Variants in SP100 observed in about 807,000 individuals in gnomAD.
SP100 encodes the protein nuclear autoantigen Sp-100.
SP100 carries 84 observed loss-of-function variants against 130.0 expected under a neutral mutation model. The observed-to-expected ratio is 0.65, with a 90% CI of 0.54 to 0.77. The LOEUF (loss-of-function observed/expected upper bound fraction) is 0.77. Ranked by LOEUF, SP100 falls within the 30% of genes least tolerant of loss-of-function variation. SP100 has a pLI of 0.00. For synonymous variants in SP100, 331 were observed against 351.7 expected (o/e 0.94, Z 0.66); for missense variants, 978 against 1,052.2 (o/e 0.93, Z 0.97).
Position 230,541,331 on chromosome 2 carries a change from T to A in SP100, c.2362T>A (p.Cys788Ser), listed in dbSNP as rs1402685102. 1 of 1,614,108 alleles carries A rather than the reference T, an allele frequency of 6.2e-7. No homozygotes were observed. Among genetic ancestry groups the A allele is most frequent in the South Asian group, 1.1e-5 (1 of 91,084 alleles). ...KCEFLLLKVY[C>S]DSKSCFFASE... The stretch of plus-strand genomic sequence containing the variant: ...TGAATTCCTCCTCTTGAAGGTCTAC[T>A]GTGATTCGAAAAGCTGCTTTTTCGC... Residue 788 changes from cysteine (C) to serine (S), a missense_variant, in exon 27 of 29, where the codon TGT (cysteine) becomes AGT (serine). Coordinates refer to ENST00000340126, the MANE Select transcript of SP100 (RefSeq NM_001080391.2).
chr2:230,521,777 T>G (rs1691182355), intron 24 of SP100, among the ~76,000 whole-genome samples: 1 of 152,162 alleles, frequency 6.6e-6, no homozygotes, highest in Non-Finnish European at 1.5e-5. Context: ...CAGTTTTGAC[T>G]GGAGGTGAGT....
intron 4 of SP100, among the ~76,000 whole-genome samples, chr2:230,445,614 T>A (rs976184137): frequency 7.2e-5 from 11 of 152,286 alleles, no homozygotes; most frequent in African/African-American, 2.4e-4. Context: ...AATAATAAAA[T>A]AATTTCTATA....
chr2:230,462,371 T>C (rs2064702374), intron 9 of SP100, 64 bp from the exon 10 acceptor site: 15 of 1,290,584 alleles, frequency 1.2e-5, no homozygotes, highest in Non-Finnish European at 1.7e-5. Context: ...TTGTGGAATT[T>C]CCTGGTGCAT....
intron 2 of SP100, among the ~76,000 whole-genome samples, chr2:230,441,098 T>C (rs2063450324): frequency 6.6e-6 from 1 of 152,140 alleles, no homozygotes; most frequent in Non-Finnish European, 1.5e-5. Flanking sequence ...CTATCCATAA[T>C]ATATTTAAAA....
At chr2:230,460,141 T>G (rs1405478011) in intron 8 of SP100, among the ~76,000 whole-genome samples, 1 of 152,168 alleles carries the variant, frequency 6.6e-6, no homozygotes, top group African/African-American at 2.4e-5. Context: ...ACAATTATAT[T>G]CCTCAGCAGA....
At chr2:230,520,433 A>G (rs373219365) in intron 24 of SP100, among the ~76,000 whole-genome samples, 1 of 152,212 alleles carries the variant, frequency 6.6e-6, no homozygotes, top group Non-Finnish European at 1.5e-5. Flanking sequence ...CTAGGATTCA[A>G]CAAAAACTCC....
chr2:230,542,970 A>G lies in SP100; in HGVS notation c.*24A>G, dbSNP rs777067674. 3 of 1,310,408 alleles carry G rather than the reference A, an allele frequency of 2.3e-6. No homozygotes were observed. The highest frequency in any genetic ancestry group is 3.3e-6 in the Non-Finnish European group (3 of 907,170). The allele number at this position is 1,310,408 out of a possible 1,614,324, so 81.2% of individuals were successfully genotyped here. A position where few individuals can be genotyped will look rare whatever the true frequency, so the allele number is the denominator to read the frequency against. On this transcript the variant is annotated 3_prime_UTR_variant, in exon 29 of 29. Transcript: ENST00000340126. ...AGCCATTCTTATCTCCTCCCTTCAG[A>G]TCCTCTGGCAGCTAGCTACGCAATG...
chr2:230,543,015 C>G lies in SP100; in HGVS notation c.*69C>G. The G allele has an allele frequency of 1.2e-6, 1 of 806,488 alleles. No individual in the cohort carries two copies. Among genetic ancestry groups the G allele is most frequent in the Non-Finnish European group, 2.1e-6 (1 of 477,082 alleles). The allele number at this position is 806,488 out of a possible 1,614,324, so 50.0% of individuals were successfully genotyped here. A position where few individuals can be genotyped will look rare whatever the true frequency, so the allele number is the denominator to read the frequency against. On this transcript the variant is annotated 3_prime_UTR_variant, in exon 29 of 29. Coordinates refer to ENST00000340126, the MANE Select transcript of SP100 (RefSeq NM_001080391.2). ...GCAATGTGCCTGTGGTCCCACTAAT[C>G]TGTGACTGCTCCTGTGGAAACTCCA...
intron 25 of SP100, among the ~76,000 whole-genome samples, chr2:230,539,663 T>C (rs1258472050): frequency 6.6e-6 from 1 of 152,140 alleles, no homozygotes; most frequent in African/African-American, 2.4e-5. Context: ...AGACCCATGC[T>C]CTCTAATGGG....
intron 24 of SP100, among the ~76,000 whole-genome samples, chr2:230,524,406 C>T (rs1691331824): frequency 6.7e-6 from 1 of 148,424 alleles, no homozygotes; most frequent in South Asian, 2.1e-4. Flanking sequence ...AACGTATAAA[C>T]CCAGCCAAAA....
chr2:230,541,781 G>A, intron 27 of SP100, 111 bp from the exon 28 acceptor site: 1 of 1,158,826 alleles, frequency 8.6e-7, no homozygotes, highest in South Asian at 1.6e-5. Context: ...CTTCACAGGG[G>A]GGTTAGGATT....
chr2:230,505,308 G>A (rs1024207683), intron 21 of SP100, among the ~76,000 whole-genome samples: 4 of 152,190 alleles, frequency 2.6e-5, no homozygotes, highest in African/African-American at 9.7e-5. Context: ...ACAAGGGCAA[G>A]CACCTCAGTA....
At chr2:230,492,487 G>A (rs1575734014) in intron 17 of SP100, among the ~76,000 whole-genome samples, 1 of 152,102 alleles carries the variant, frequency 6.6e-6, no homozygotes, top group Non-Finnish European at 1.5e-5. Flanking sequence ...CAAATTTTTT[G>A]TAGAGACAAG....
chr2:230,517,747 A>G (rs2150092593), intron 24 of SP100, among the ~76,000 whole-genome samples: 1 of 146,800 alleles, frequency 6.8e-6, no homozygotes, highest in East Asian at 2.0e-4. Flanking sequence ...CCTGGGCAAC[A>G]GAGCAAGACT....
chr2:230,482,399 T>C (rs762378692), intron 17 of SP100, among the ~76,000 whole-genome samples: 2 of 152,156 alleles, frequency 1.3e-5, no homozygotes, highest in Non-Finnish European at 2.9e-5. Flanking sequence ...ACCAGCCCAA[T>C]TGGCTTCCCT....
intron 5 of SP100, among the ~76,000 whole-genome samples, chr2:230,448,630 A>G (rs1260481140): frequency 6.6e-6 from 1 of 152,228 alleles, no homozygotes; most frequent in Non-Finnish European, 1.5e-5. Flanking sequence ...GAGCTGGAGG[A>G]AGTAGAGGCT....
intron 24 of SP100, among the ~76,000 whole-genome samples, chr2:230,521,061 C>G (rs987920429): frequency 2.6e-5 from 4 of 152,182 alleles, no homozygotes; most frequent in Admixed American, 6.5e-5. Context: ...CCATGAATCA[C>G]AAGACCTTCC....
intron 19 of SP100, among the ~76,000 whole-genome samples, chr2:230,498,965 G>C (rs762308624): frequency 6.6e-6 from 1 of 152,164 alleles, no homozygotes; most frequent in Non-Finnish European, 1.5e-5. Flanking sequence ...AATTAAGTCA[G>C]TTAGACAAGA....
intron 20 of SP100, 67 bp downstream of exon 20, chr2:230,503,177 G>A (rs770741020): frequency 1.5e-5 from 18 of 1,198,572 alleles, no homozygotes; most frequent in Non-Finnish European, 2.0e-5. Flanking sequence ...TGTACTGTGA[G>A]TAACAAGTCA....
Sources: gnomAD v4.1 joint callset for allele counts (sites outside exome capture counted in the v4.1 genomes callset) on GRCh38, gnomAD v4.1.1 for gene constraint, MANE v1.5 for transcripts, NCBI Gene and HGNC (gene_info 2026-07-23, HGNC 2026-07-21) for gene names.